The following INTS14 variants were observed in gnomAD, a reference collection of about 807,000 sequenced individuals.
INTS14 encodes integrator complex subunit 14.
Under a neutral mutation model 56.9 loss-of-function variants are expected in INTS14, and 27 were observed. That is an observed-to-expected ratio of 0.47 (90% CI 0.35 to 0.65). The LOEUF (loss-of-function observed/expected upper bound fraction) is 0.65, where lower values mean the gene tolerates loss of function less well. INTS14 is among the 30% of genes least tolerant of loss of function. INTS14 has a pLI of 0.00. For missense variants in INTS14, 517 were observed against 632.2 expected (o/e 0.82, Z 1.95); for synonymous variants, 207 against 236.2 (o/e 0.88, Z 1.13).
At chr15:65,602,505 T>G (rs2073475660) in intron 3 of INTS14, among the ~76,000 whole-genome samples, 1 of 151,992 alleles carries the variant, frequency 6.6e-6, no homozygotes, top group African/African-American at 2.4e-5. Context: ...GGCTTGTGTT[T>G]AACTCCTGAC....
At chr15:65,608,173 C>T (rs1170084852) in intron 1 of INTS14, among the ~76,000 whole-genome samples, 9 of 151,952 alleles carry the variant, frequency 5.9e-5, no homozygotes, top group Admixed American at 5.9e-4. Flanking sequence ...GTCAGGAGTT[C>T]GAGACCAGCC....
At chr15:65,607,622 C>T (rs1465596564) in intron 1 of INTS14, among the ~76,000 whole-genome samples, 180 bp from the exon 2 acceptor site, 1 of 152,096 alleles carries the variant, frequency 6.6e-6, no homozygotes, top group Non-Finnish European at 1.5e-5. Context: ...AAGGACCACT[C>T]TTAGAATCAC....
At chr15:65,584,992 A>C in intron 9 of INTS14, 104 bp from the exon 10 acceptor site, 1 of 930,790 alleles carries the variant, frequency 1.1e-6, no homozygotes, top group Non-Finnish European at 1.6e-6. Flanking sequence ...TTGATATCCT[A>C]TCACTTTGTT....
intron 1 of INTS14, 114 bp downstream of exon 1, chr15:65,610,984 C>A: frequency 2.0e-6 from 3 of 1,493,956 alleles, no homozygotes; most frequent in Admixed American, 2.3e-5. Flanking sequence ...GCGGCCGCCA[C>A]GGTGGCGGGA....
At chr15:65,594,582 T>C (rs2073147188) in intron 7 of INTS14, among the ~76,000 whole-genome samples, 1 of 150,820 alleles carries the variant, frequency 6.6e-6, no homozygotes, top group Admixed American at 6.6e-5. Flanking sequence ...TTTTGTATTT[T>C]TAGTGGAGAT....
At chr15:65,586,669 G>C (rs1425960040) in intron 9 of INTS14, 1 of 152,014 alleles carries the variant, frequency 6.6e-6, no homozygotes, top group Non-Finnish European at 1.5e-5. Context: ...ATTTTAAAAA[G>C]ATAGTATAAA....
At chr15:65,593,317 G>T in intron 8 of INTS14, 111 bp downstream of exon 8, 1 of 1,338,924 alleles carries the variant, frequency 7.5e-7, no homozygotes, top group Non-Finnish European at 1.0e-6. Context: ...GGCAGGAAAA[G>T]GAAAAAGGTG....
intron 3 of INTS14, among the ~76,000 whole-genome samples, chr15:65,603,371 C>T (rs561009300): frequency 2.0e-5 from 3 of 152,246 alleles, no homozygotes; most frequent in Admixed American, 2.0e-4. Context: ...TGTATTCAGT[C>T]GTGTAACCAC....
chr15:65,596,464 A>T (rs1395881423), intron 6 of INTS14, among the ~76,000 whole-genome samples: 1 of 152,294 alleles, frequency 6.6e-6, no homozygotes, highest in Admixed American at 6.5e-5. Flanking sequence ...ATCAAAGGAA[A>T]TCTCTATTAA....
chr15:65,600,499 C>G (rs1419273966), intron 3 of INTS14, among the ~76,000 whole-genome samples: 1 of 143,450 alleles, frequency 7.0e-6, no homozygotes, highest in African/African-American at 2.6e-5. Flanking sequence ...CATGGTGGTG[C>G]GTGCCTGCAG....
At chr15:65,605,816 A>C (rs2073623772) in intron 2 of INTS14, among the ~76,000 whole-genome samples, 1 of 152,252 alleles carries the variant, frequency 6.6e-6, no homozygotes, top group African/African-American at 2.4e-5. Context: ...TCAGAACTGC[A>C]GAACATCAGA....
chr15:65,609,475 G>C (rs1228478926), intron 1 of INTS14, among the ~76,000 whole-genome samples: 1 of 151,812 alleles, frequency 6.6e-6, no homozygotes, highest in East Asian at 1.9e-4. Flanking sequence ...CGCTCACTAA[G>C]GGCAGGGACC....
At chr15:65,581,587 G>A (rs2072621984) in intron 11 of INTS14, among the ~76,000 whole-genome samples, 1 of 146,570 alleles carries the variant, frequency 6.8e-6, no homozygotes. Flanking sequence ...AGAATGTTCT[G>A]GGCAATTCCC....
At chr15:65,593,635 T>A in intron 7 of INTS14, 63 bp from the exon 8 acceptor site, 2 of 1,562,630 alleles carry the variant, frequency 1.3e-6, no homozygotes, top group Non-Finnish European at 1.7e-6. Flanking sequence ...AACCCCAATT[T>A]ATACTCTTGG....
At chr15:65,589,984 C>T (rs1157434316) in intron 9 of INTS14, among the ~76,000 whole-genome samples, 2 of 152,166 alleles carry the variant, frequency 1.3e-5, no homozygotes, top group East Asian at 3.8e-4. Context: ...TTACTCTTCT[C>T]TCTGTATTAT....
intron 1 of INTS14, 145 bp from the exon 2 acceptor site, chr15:65,607,587 G>A (rs1843898770): frequency 2.2e-6 from 2 of 913,150 alleles, no homozygotes; most frequent in Non-Finnish European, 3.2e-6. Flanking sequence ...TCAGTGAGAG[G>A]GAAGTGAGCA....
intron 11 of INTS14, 50 bp from the exon 12 acceptor site, chr15:65,579,709 C>T: frequency 6.3e-7 from 1 of 1,580,340 alleles, no homozygotes; most frequent in South Asian, 1.2e-5. Context: ...GTTCCTAACA[C>T]ATACTTTCTA....
At chr15:65,581,359 G>A (rs8036039) in intron 11 of INTS14, among the ~76,000 whole-genome samples, 9 of 137,522 alleles carry the variant, frequency 6.5e-5, no homozygotes, top group East Asian at 2.0e-4. Flanking sequence ...CAGCCTGGCC[G>A]ACAGAGTGAG....
intron 11 of INTS14, 22 bp from the exon 12 acceptor site, chr15:65,579,681 C>T (rs377414256): frequency 5.6e-6 from 9 of 1,605,100 alleles, no homozygotes; most frequent in African/African-American, 1.3e-5. Context: ...CAGAAAATCA[C>T]CAATGCTCCT....
Sources: allele counts gnomAD v4.1 joint callset (sites outside exome capture counted in the v4.1 genomes callset), GRCh38; gene constraint gnomAD v4.1.1; transcripts MANE v1.5; gene names NCBI Gene and HGNC (gene_info 2026-07-23, HGNC 2026-07-21).